Variants in PARN observed in about 807,000 individuals in gnomAD.
PARN encodes the protein poly(A)-specific ribonuclease, also known as poly(A)-specific ribonuclease PARN.
Under a neutral mutation model 102.8 loss-of-function variants are expected in PARN, and 71 were observed. That is an observed-to-expected ratio of 0.69 (90% CI 0.57 to 0.84). The LOEUF (loss-of-function observed/expected upper bound fraction) is 0.84, where lower values mean the gene tolerates loss of function less well. Among genes scored for constraint, PARN ranks in the 40% least tolerant of loss-of-function variants. PARN has a pLI of 0.00. For synonymous variants in PARN, 261 were observed against 252.9 expected, an observed-to-expected ratio of 1.03 and a Z score of -0.30; for missense variants, 782 against 760.9, an observed-to-expected ratio of 1.03 and a Z score of -0.33.
At position 14,448,623 on chromosome 16, in the gene PARN, A is replaced by C. The variant is rs188758078; in HGVS notation, c.1671-1542T>G. ...TAGTTTAAAATGTTCCACATAAAAA[A>C]CTCTGGCTACCTAAATATTCAAGTT... On this transcript the variant is annotated intron_variant, in intron 22 of 23. Transcript: ENST00000437198. Among the ~76,000 whole-genome samples the C allele has an allele frequency of 6.6e-5, 10 of 152,198 alleles. No homozygotes were observed. The East Asian group carries it at 1.5e-3, about 24-fold the overall frequency.
rs1013662459 is a variant in PARN at position 14,447,021 on chromosome 16, G to A, written c.1731C>T (p.Gly577=). The A allele has an allele frequency of 2.5e-6, 4 of 1,613,702 alleles. No individual in the cohort carries two copies. Among genetic ancestry groups the A allele is most frequent in the Admixed American group, 1.7e-5 (1 of 60,004 alleles). ...TCTCCCCTGACACTCCGTCCTCCAG[G>A]CCAGCTTCCTCTTGACTAGGACTCA... is the stretch of plus-strand genomic sequence containing the variant. ...RNLSPSQEEA[G]LEDGVSGEIS... is the part of the protein sequence containing the mutation. Residue 577 remains glycine, a synonymous_variant, in exon 23 of 24, where the codon GGC becomes GGT. Transcript: ENST00000437198.
intron 18 of PARN, among the ~76,000 whole-genome samples, chr16:14,563,264 G>A (rs973862874): frequency 2.0e-5 from 3 of 152,214 alleles, no homozygotes; most frequent in East Asian, 3.8e-4. Context: ...GAGGAGGAGC[G>A]TGAATCAGAC....
At chr16:14,584,466 GAAC>G (rs1969721028) in intron 15 of PARN, 44 bp from the exon 16 acceptor site, 1 of 1,470,526 alleles carries the variant, frequency 6.8e-7, no homozygotes. Flanking sequence ...CATCATCTCA[GAAC>G]AATATATTAA....
chr16:14,535,024 G>A (rs1281695810), intron 21 of PARN, among the ~76,000 whole-genome samples: 1 of 152,134 alleles, frequency 6.6e-6, no homozygotes, highest in Non-Finnish European at 1.5e-5. Flanking sequence ...AGTAGAGACA[G>A]GGTTTCTCCA....
intron 21 of PARN, among the ~76,000 whole-genome samples, chr16:14,523,750 AG>A (rs1382899685): frequency 6.6e-6 from 1 of 152,206 alleles, no homozygotes; most frequent in East Asian, 1.9e-4. Flanking sequence ...AAATGACAGA[AG>A]GATTAGGGAC....
At chr16:14,505,963 T>C (rs1195271800) in intron 21 of PARN, among the ~76,000 whole-genome samples, 2 of 152,196 alleles carry the variant, frequency 1.3e-5, no homozygotes, top group Admixed American at 6.5e-5. Flanking sequence ...CACAGAGTAC[T>C]TATTTATTAC....
chr16:14,494,335 A>C (rs1403645720), intron 21 of PARN, among the ~76,000 whole-genome samples: 1 of 152,224 alleles, frequency 6.6e-6, no homozygotes, highest in African/African-American at 2.4e-5. Flanking sequence ...GTACTCAAGG[A>C]GAGAAAGAGA....
At chr16:14,574,287 G>C (rs1299115704) in intron 18 of PARN, among the ~76,000 whole-genome samples, 1 of 152,146 alleles carries the variant, frequency 6.6e-6, no homozygotes, top group African/African-American at 2.4e-5. Flanking sequence ...AAATAATTTA[G>C]GGTATCTGGC....
intron 22 of PARN, among the ~76,000 whole-genome samples, chr16:14,463,115 C>T (rs117095877): frequency 0.019 from 2,938 of 152,296 alleles, 60 homozygotes; most frequent in Non-Finnish European, 0.023. Flanking sequence ...CTGAGAACAA[C>T]GCCTGTTCCC....
At position 14,606,536 on chromosome 16, in the gene PARN, A is replaced by G; in HGVS notation, c.660-10T>C. 5 of 1,514,322 alleles carry G rather than the reference A, an allele frequency of 3.3e-6. No individual in the cohort carries two copies. Among genetic ancestry groups the G allele is most frequent in the East Asian group, 2.3e-5 (1 of 44,082 alleles). 93.8% of individuals were successfully genotyped at this position (1,514,322 alleles called of 1,614,324 possible). ...AATGCCTTTCGGATACCTAAAGAAA[A>G]GAAAAACATAGTATCAGTAGATGAG... On this transcript the variant is annotated splice_polypyrimidine_tract_variant and intron_variant, in intron 9 of 23. Coordinates refer to ENST00000437198, the MANE Select transcript of PARN (RefSeq NM_002582.4).
At chr16:14,492,712 AAC>A (rs1364113061) in intron 21 of PARN, among the ~76,000 whole-genome samples, 5 of 152,206 alleles carry the variant, frequency 3.3e-5, no homozygotes, top group African/African-American at 7.2e-5. Flanking sequence ...CAGCAAAGAA[AAC>A]AGTCTTTACA....
chr16:14,549,540 C>A (rs897722817), intron 21 of PARN, among the ~76,000 whole-genome samples: 3 of 152,180 alleles, frequency 2.0e-5, no homozygotes, highest in African/African-American at 7.2e-5. Context: ...TTAAAAGCTA[C>A]TGTTTTAAGA....
chr16:14,468,017 T>C (rs1014004729), intron 22 of PARN, among the ~76,000 whole-genome samples: 4 of 152,168 alleles, frequency 2.6e-5, no homozygotes, highest in African/African-American at 4.8e-5. Flanking sequence ...TCCCTGACTT[T>C]TTCTTTTCAC....
intron 17 of PARN, among the ~76,000 whole-genome samples, chr16:14,581,501 G>C (rs1274198668): frequency 6.6e-6 from 1 of 152,148 alleles, no homozygotes; most frequent in Non-Finnish European, 1.5e-5. Context: ...GGAAATGGTA[G>C]TGCTATAGGT....
chr16:14,557,421 G>C (rs765024122), intron 18 of PARN, among the ~76,000 whole-genome samples: 8 of 151,986 alleles, frequency 5.3e-5, no homozygotes, highest in Non-Finnish European at 8.8e-5. Flanking sequence ...GCTGGGCATG[G>C]TAGCAGGCAC....
At chr16:14,565,894 T>C (rs1968398962) in intron 18 of PARN, among the ~76,000 whole-genome samples, 1 of 152,208 alleles carries the variant, frequency 6.6e-6, no homozygotes, top group Admixed American at 6.5e-5. Context: ...GCAGGTGACA[T>C]ACTGTGCATA....
intron 21 of PARN, among the ~76,000 whole-genome samples, chr16:14,504,472 T>C (rs1964784033): frequency 6.6e-6 from 1 of 151,934 alleles, no homozygotes; most frequent in Admixed American, 6.6e-5. Context: ...GGCAGGAAAA[T>C]AGCTTGAACC....
At chr16:14,562,894 G>C (rs190012566) in intron 18 of PARN, among the ~76,000 whole-genome samples, 12 of 152,274 alleles carry the variant, frequency 7.9e-5, no homozygotes, top group Admixed American at 6.5e-4. Context: ...ACAGATCAAA[G>C]GTTATTCTAT....
At chr16:14,510,575 A>G (rs1276488876) in intron 21 of PARN, among the ~76,000 whole-genome samples, 1 of 152,244 alleles carries the variant, frequency 6.6e-6, no homozygotes, top group Non-Finnish European at 1.5e-5. Context: ...AGACTCAAAG[A>G]GAAAGAAAAT....
Sources: gnomAD v4.1 joint callset for allele counts (sites outside exome capture counted in the v4.1 genomes callset) on GRCh38, gnomAD v4.1.1 for gene constraint, MANE v1.5 for transcripts, NCBI Gene and HGNC (gene_info 2026-07-23, HGNC 2026-07-21) for gene names.